Variants in ZFPM2 observed in about 807,000 individuals in gnomAD.
ZFPM2 encodes the protein zinc finger protein, FOG family member 2, also known as zinc finger protein ZFPM2.
In ZFPM2, 20 loss-of-function variants were observed where a neutral mutation model predicts 98.6. That is an observed-to-expected ratio of 0.20 (90% CI 0.14 to 0.29). ZFPM2 has a LOEUF of 0.29. ZFPM2 is among the 10% of genes least tolerant of loss of function. The pLI is 1.00. For missense variants in ZFPM2, 1,310 were observed against 1,388.6 expected (o/e 0.94, Z 0.90); for synonymous variants, 518 against 502.7 (o/e 1.03, Z -0.41).
intron 4 of ZFPM2, among the ~76,000 whole-genome samples, chr8:105,613,755 G>A (rs931420479): frequency 2.0e-5 from 3 of 152,098 alleles, no homozygotes; most frequent in African/African-American, 7.2e-5. Context: ...ACTTGGCCAC[G>A]TTTCAGAGCA....
At chr8:105,475,285 A>G (rs1190886374) in intron 3 of ZFPM2, among the ~76,000 whole-genome samples, 1 of 152,220 alleles carries the variant, frequency 6.6e-6, no homozygotes, top group African/African-American at 2.4e-5. Context: ...CCTCTTGTAA[A>G]GATCCTCTCT....
In ZFPM2 at chr8:105,801,760, T is replaced by G. The variant is rs1167086261; in HGVS notation, c.1678T>G (p.Leu560Val). 6.2e-7 allele frequency: 1 copy of G among 1,613,750 alleles called. No individual in the cohort carries two copies. The highest frequency in any genetic ancestry group is 8.5e-7 in the Non-Finnish European group (1 of 1,179,862). The change falls in exon 8 of 8, where the codon TTG becomes GTG. Residue 560 changes from leucine (L) to valine (V), a missense_variant. By Grantham distance (32) the Leu-to-Val change is conservative. Transcript: ENST00000407775. ...CFECNITFNN[L>V]DNYLVHKKHY... ...TGAGTGTAACATAACATTCAATAAT[T>G]TGGATAATTATCTAGTGCACAAAAA...
At chr8:105,333,305 T>C (rs72671654) in intron 1 of ZFPM2, among the ~76,000 whole-genome samples, 2,593 of 151,832 alleles carry the variant, frequency 0.017, 42 homozygotes, top group Non-Finnish European at 0.026. Flanking sequence ...AGTAGTTTAG[T>C]ATGAATATTT....
At chr8:105,713,003 C>T (rs1173668772) in intron 5 of ZFPM2, among the ~76,000 whole-genome samples, 1 of 151,940 alleles carries the variant, frequency 6.6e-6, no homozygotes, top group Admixed American at 6.6e-5. Flanking sequence ...CGTATGAGTG[C>T]AGGTGTTTCT....
At chr8:105,616,960 G>C (rs1816428909) in intron 4 of ZFPM2, among the ~76,000 whole-genome samples, 1 of 138,372 alleles carries the variant, frequency 7.2e-6, no homozygotes, top group Non-Finnish European at 1.5e-5. Context: ...GGAGGTGGTA[G>C]TGAGCAAGAT....
intron 5 of ZFPM2, among the ~76,000 whole-genome samples, chr8:105,738,199 G>A (rs2131027752): frequency 6.6e-6 from 1 of 152,074 alleles, no homozygotes; most frequent in Admixed American, 6.6e-5. Flanking sequence ...AGACCTAAGT[G>A]TGTGTTGTTC....
chr8:105,612,377 G>GAA (rs148464134), intron 4 of ZFPM2, among the ~76,000 whole-genome samples: 1 of 148,750 alleles, frequency 6.7e-6, no homozygotes, highest in East Asian at 2.0e-4. Flanking sequence ...ACGTCCAATT[G>GAA]AAAAAAAAAA....
chr8:105,393,463 G>T (rs1811159672), intron 1 of ZFPM2, among the ~76,000 whole-genome samples: 1 of 151,684 alleles, frequency 6.6e-6, no homozygotes, highest in Non-Finnish European at 1.5e-5. Flanking sequence ...CCTAAAAACA[G>T]GGTGTTCTCT....
At chr8:105,420,415 T>A (rs1811769315) in intron 2 of ZFPM2, among the ~76,000 whole-genome samples, 1 of 152,090 alleles carries the variant, frequency 6.6e-6, no homozygotes, top group Non-Finnish European at 1.5e-5. Context: ...AAGATGTCAG[T>A]CAGCTCCCAT....
rs148013198 is a variant in ZFPM2 at position 105,580,585 on chromosome 8, C to A, written c.420+19104C>A. Among the ~76,000 whole-genome samples the A allele has an allele frequency of 2.0e-5, 3 of 152,080 alleles. No homozygotes were observed. In the East Asian group the frequency reaches 5.8e-4, roughly 29 times the overall value. On this transcript the variant is annotated intron_variant, in intron 4 of 7. Coordinates refer to ENST00000407775, the MANE Select transcript of ZFPM2 (RefSeq NM_012082.4). ...ATACAAAGTGTAAAATACTCTGTTT[C>A]GCTTGACGATGTTAACAACTAGTAG...
chr8:105,685,416 T>G (rs1488709165), intron 5 of ZFPM2, among the ~76,000 whole-genome samples: 2 of 152,116 alleles, frequency 1.3e-5, no homozygotes, highest in African/African-American at 4.8e-5. Context: ...ATAAAACTTT[T>G]TAAAATTTTT....
At chr8:105,370,898 G>A (rs1419773309) in intron 1 of ZFPM2, among the ~76,000 whole-genome samples, 1 of 152,208 alleles carries the variant, frequency 6.6e-6, no homozygotes, top group Non-Finnish European at 1.5e-5. Context: ...TTCATTCCAT[G>A]TGTTGTGCTG....
At chr8:105,465,952 T>A (rs1217440595) in intron 3 of ZFPM2, among the ~76,000 whole-genome samples, 2 of 152,020 alleles carry the variant, frequency 1.3e-5, no homozygotes, top group Non-Finnish European at 2.9e-5. Flanking sequence ...AACAAAATTT[T>A]TCTTAATTCA....
chr8:105,332,118 C>A (rs1196789673), intron 1 of ZFPM2, among the ~76,000 whole-genome samples: 1 of 151,700 alleles, frequency 6.6e-6, no homozygotes, highest in Non-Finnish European at 1.5e-5. Context: ...AGCTGCCTGT[C>A]TTCCTGTTCT....
intron 5 of ZFPM2, among the ~76,000 whole-genome samples, chr8:105,687,242 T>G (rs531709487): frequency 7.4e-4 from 113 of 152,292 alleles, no homozygotes; most frequent in Admixed American, 1.3e-3. Context: ...CCCTCCCCAA[T>G]GCATAAGAAA....
chr8:105,322,759 T>C (rs567084988), intron 1 of ZFPM2, among the ~76,000 whole-genome samples: 2 of 152,190 alleles, frequency 1.3e-5, no homozygotes, highest in African/African-American at 4.8e-5. Flanking sequence ...TTAGCATGCA[T>C]GTTGAAAGTA....
chr8:105,455,824 A>G (rs984067648), intron 3 of ZFPM2, among the ~76,000 whole-genome samples: 6 of 152,204 alleles, frequency 3.9e-5, no homozygotes, highest in Admixed American at 1.3e-4. Flanking sequence ...GATTTTTAAT[A>G]TGGCACGGTT....
chr8:105,667,522 C>T (rs1040237302), intron 5 of ZFPM2, among the ~76,000 whole-genome samples: 2 of 152,120 alleles, frequency 1.3e-5, no homozygotes, highest in Non-Finnish European at 2.9e-5. Flanking sequence ...TGCAATTCAC[C>T]TTTAGGAAGG....
At chr8:105,704,181 C>G (rs1383706804) in intron 5 of ZFPM2, among the ~76,000 whole-genome samples, 1 of 152,148 alleles carries the variant, frequency 6.6e-6, no homozygotes, top group Non-Finnish European at 1.5e-5. Context: ...AAAGACCTAA[C>G]ATTGCTAAAT....
Sources: gnomAD v4.1 joint callset for allele counts (sites outside exome capture counted in the v4.1 genomes callset) on GRCh38, gnomAD v4.1.1 for gene constraint, MANE v1.5 for transcripts, NCBI Gene and HGNC (gene_info 2026-07-23, HGNC 2026-07-21) for gene names.